Variants in NEGR1 observed in about 807,000 individuals in gnomAD.
NEGR1 encodes the protein neuronal growth regulator 1, also known as IgLON family member 4.
In NEGR1, 10 loss-of-function variants were observed where a neutral mutation model predicts 40.9. That is an observed-to-expected ratio of 0.24 (90% CI 0.15 to 0.42). The LOEUF (loss-of-function observed/expected upper bound fraction) is 0.42. NEGR1 is among the 10% of genes least tolerant of loss of function. The pLI, the probability that NEGR1 is intolerant of heterozygous loss-of-function variation, is 1.00. For synonymous variants in NEGR1, 185 were observed against 166.8 expected, an observed-to-expected ratio of 1.11 and a Z score of -0.84; for missense variants, 352 against 438.9, an observed-to-expected ratio of 0.80 and a Z score of 1.77.
At chr1:72,037,608 C>T (rs1646914609) in intron 1 of NEGR1, among the ~76,000 whole-genome samples, 2 of 152,068 alleles carry the variant, frequency 1.3e-5, no homozygotes, top group Non-Finnish European at 2.9e-5. Context: ...TGCTTTCCTT[C>T]ATCATTAACA....
At chr1:71,650,622 T>G (rs1022338691) in intron 4 of NEGR1, among the ~76,000 whole-genome samples, 1 of 152,186 alleles carries the variant, frequency 6.6e-6, no homozygotes, top group African/African-American at 2.4e-5. Flanking sequence ...CATACTTGTT[T>G]TCTTTTCTTT....
intron 6 of NEGR1, among the ~76,000 whole-genome samples, chr1:71,413,945 G>A (rs1005066581): frequency 1.3e-5 from 2 of 151,854 alleles, no homozygotes; most frequent in Non-Finnish European, 2.9e-5. Flanking sequence ...TTTAGTTTTG[G>A]TACAATACCA....
chr1:71,759,409 T>C (rs1278291073), intron 3 of NEGR1, among the ~76,000 whole-genome samples: 3 of 146,672 alleles, frequency 2.0e-5, no homozygotes, highest in Non-Finnish European at 4.5e-5. Context: ...GTGATTCTCC[T>C]GGCTCAGCCT....
At chr1:71,756,410 A>T (rs1395916023) in intron 3 of NEGR1, among the ~76,000 whole-genome samples, 2 of 103,978 alleles carry the variant, frequency 1.9e-5, no homozygotes, top group Non-Finnish European at 3.6e-5. Flanking sequence ...ACAAAAACAA[A>T]CAAAAAAAAA....
chr1:72,161,665 T>A (rs1249679035), intron 1 of NEGR1, among the ~76,000 whole-genome samples: 2 of 134,754 alleles, frequency 1.5e-5, no homozygotes, highest in African/African-American at 5.9e-5. Context: ...TTATTTTTTC[T>A]TTCTTTCTTT....
chr1:71,805,917 T>C (rs1657754258), intron 2 of NEGR1, among the ~76,000 whole-genome samples: 1 of 152,214 alleles, frequency 6.6e-6, no homozygotes, highest in Admixed American at 6.5e-5. Context: ...TAAAAATGAT[T>C]GAAAATAATC....
chr1:72,043,041 TGGCATAGCATACCA>T (rs755031338), intron 1 of NEGR1, among the ~76,000 whole-genome samples: 5 of 151,624 alleles, frequency 3.3e-5, no homozygotes, highest in Admixed American at 6.6e-5. Context: ...GGGGTGGGAG[TGGCATAGCATACCA>T]GGCCACATAC....
intron 1 of NEGR1, among the ~76,000 whole-genome samples, chr1:72,062,910 G>A (rs1569899271): frequency 1.3e-5 from 2 of 152,074 alleles, no homozygotes; most frequent in Admixed American, 6.6e-5. Context: ...TTCAGCTTCA[G>A]TCTTCTCTGT....
In NEGR1 at chr1:72,238,396, C is replaced by G. The variant is rs576803154; in HGVS notation, c.176+43923G>C. ...AGTGTATTCTGTAAACTATATAAAACATGTATATCGAATTGATTCAGGAAA... is the reference window on the plus strand; with the variant it reads ...AGTGTATTCTGTAAACTATATAAAAGATGTATATCGAATTGATTCAGGAAA... On this transcript the variant is annotated intron_variant, in intron 1 of 6. Coordinates refer to ENST00000357731, the MANE Select transcript of NEGR1 (RefSeq NM_173808.3). Among the ~76,000 whole-genome samples the G allele has an allele frequency of 5.3e-5, 8 of 151,948 alleles. No individual in the cohort carries two copies. The East Asian group carries it at 1.5e-3, about 29-fold the overall frequency.
At chr1:71,628,122 C>G (rs1036708318) in intron 4 of NEGR1, among the ~76,000 whole-genome samples, 2 of 152,000 alleles carry the variant, frequency 1.3e-5, no homozygotes, top group Non-Finnish European at 2.9e-5. Context: ...GTCATCTACT[C>G]ACTCTACTTT....
intron 1 of NEGR1, among the ~76,000 whole-genome samples, chr1:72,117,541 AG>A (rs1054259515): frequency 2.5e-4 from 38 of 151,806 alleles, no homozygotes; most frequent in African/African-American, 8.7e-4. Flanking sequence ...TTCTCTGGGG[AG>A]GGGGAATAAA....
At chr1:71,577,809 T>G (rs534938764) in intron 6 of NEGR1, among the ~76,000 whole-genome samples, 212 of 152,268 alleles carry the variant, frequency 1.4e-3, no homozygotes, top group African/African-American at 4.8e-3. Flanking sequence ...CTATCTCACG[T>G]TGAATTCAAC....
intron 6 of NEGR1, among the ~76,000 whole-genome samples, chr1:71,579,706 G>A (rs1487472951): frequency 6.7e-6 from 1 of 149,308 alleles, no homozygotes; most frequent in African/African-American, 2.5e-5. Context: ...CCTGATTCTA[G>A]CCAGGTTAGA....
chr1:71,695,491 C>T (rs1478510171), intron 4 of NEGR1, among the ~76,000 whole-genome samples: 1 of 151,742 alleles, frequency 6.6e-6, no homozygotes, highest in African/African-American at 2.4e-5. Context: ...ATTTAAAAAG[C>T]ACTTCCCTAC....
At chr1:71,524,764 AG>A (rs1296098867) in intron 6 of NEGR1, among the ~76,000 whole-genome samples, 1 of 151,740 alleles carries the variant, frequency 6.6e-6, no homozygotes, top group African/African-American at 2.4e-5. Context: ...GGATTATCCA[AG>A]TAAATCCAGT....
intron 3 of NEGR1, among the ~76,000 whole-genome samples, chr1:71,733,820 G>T (rs1308614178): frequency 6.6e-6 from 1 of 152,104 alleles, no homozygotes; most frequent in Non-Finnish European, 1.5e-5. Context: ...TGCCTGTATA[G>T]TACTGATTCC....
At chr1:71,950,640 A>G (rs1000567600) in intron 1 of NEGR1, among the ~76,000 whole-genome samples, 3 of 151,962 alleles carry the variant, frequency 2.0e-5, no homozygotes, top group Admixed American at 6.6e-5. Flanking sequence ...TTCACAGTGC[A>G]TTATTTTCAA....
intron 4 of NEGR1, among the ~76,000 whole-genome samples, chr1:71,677,506 A>G (rs72942286): frequency 0.073 from 11,121 of 152,136 alleles, 510 homozygotes; most frequent in East Asian, 0.13. Flanking sequence ...GTGTAAAGTT[A>G]TCATATTTAT....
rs920706556 is a variant in NEGR1 at position 71,638,463 on chromosome 1, C to T, written c.668-27317G>A. On this transcript the variant is annotated intron_variant, in intron 4 of 6. Coordinates refer to ENST00000357731, the MANE Select transcript of NEGR1 (RefSeq NM_173808.3). ...AATAAAGCATTTTGTGAGTGTCTGG[C>T]TCAAGAAAGGAACTCAAAAATAAGA... Among the ~76,000 whole-genome samples the T allele has an allele frequency of 2.0e-4, 31 of 152,006 alleles. 1 individual carries two copies. The highest frequency in any genetic ancestry group is 2.0e-3 in the Admixed American group (31 of 15,242).
Sources: allele counts gnomAD v4.1 joint callset (sites outside exome capture counted in the v4.1 genomes callset), GRCh38; gene constraint gnomAD v4.1.1; transcripts MANE v1.5; gene names NCBI Gene and HGNC (gene_info 2026-07-23, HGNC 2026-07-21).